PTPN13: variants seen among roughly 807,000 people sequenced by gnomAD.
The protein encoded by PTPN13 is protein tyrosine phosphatase non-receptor type 13.
PTPN13 carries 191 observed loss-of-function variants against 284.0 expected under a neutral mutation model. That is an observed-to-expected ratio of 0.67 (90% confidence interval 0.60 to 0.76). The LOEUF is 0.76. Ranked by LOEUF, PTPN13 falls within the 30% of genes least tolerant of loss-of-function variation. The pLI, the probability that PTPN13 is intolerant of heterozygous loss-of-function variation, is 0.00. For synonymous variants in PTPN13, 986 were observed against 1,022.3 expected, an observed-to-expected ratio of 0.96 and a Z score of 0.68; for missense variants, 2,797 against 2,939.9, an observed-to-expected ratio of 0.95 and a Z score of 1.12.
intron 47 of PTPN13, among the ~76,000 whole-genome samples, chr4:86,812,709 T>G (rs1300323918): frequency 1.3e-5 from 2 of 151,880 alleles, no homozygotes; most frequent in African/African-American, 4.8e-5. Flanking sequence ...TCACAGCCAA[T>G]GTGGCGGGCA....
At chr4:86,706,395 T>TA (rs892674007) in intron 7 of PTPN13, among the ~76,000 whole-genome samples, 2 of 152,132 alleles carry the variant, frequency 1.3e-5, no homozygotes, top group African/African-American at 4.8e-5. Flanking sequence ...AGTCTCTCCT[T>TA]AAAAAAATTA....
At chr4:86,767,452 G>A (rs1280558812) in intron 27 of PTPN13, among the ~76,000 whole-genome samples, 1 of 151,746 alleles carries the variant, frequency 6.6e-6, no homozygotes, top group Admixed American at 6.6e-5. Flanking sequence ...CACCATGTTG[G>A]CCAGGCTGGT....
At chr4:86,739,648 C>G (rs572438730) in intron 15 of PTPN13, among the ~76,000 whole-genome samples, 2 of 152,318 alleles carry the variant, frequency 1.3e-5, no homozygotes, top group South Asian at 4.1e-4. Context: ...CATGTCCTCA[C>G]ATTTCAAAAC....
At chr4:86,636,505 C>T (rs1008769298) in intron 2 of PTPN13, among the ~76,000 whole-genome samples, 1 of 151,932 alleles carries the variant, frequency 6.6e-6, no homozygotes, top group African/African-American at 2.4e-5. Flanking sequence ...CACAAAAAAG[C>T]CTGACAGAAA....
At chr4:86,730,619 C>CG (rs1734829354) in intron 10 of PTPN13, among the ~76,000 whole-genome samples, 1 of 149,782 alleles carries the variant, frequency 6.7e-6, no homozygotes, top group African/African-American at 2.4e-5. Flanking sequence ...GAGCCAGGAA[C>CG]GGGAGAAAAT....
intron 15 of PTPN13, among the ~76,000 whole-genome samples, chr4:86,739,825 C>A (rs1735955970): frequency 6.6e-6 from 1 of 152,166 alleles, no homozygotes; most frequent in Admixed American, 6.5e-5. Flanking sequence ...GGGTTACAGG[C>A]ATTGGGTAAA....
At chr4:86,724,148 G>T (rs989989556) in intron 10 of PTPN13, among the ~76,000 whole-genome samples, 1 of 152,088 alleles carries the variant, frequency 6.6e-6, no homozygotes, top group Admixed American at 6.6e-5. Flanking sequence ...TTGGATTGTA[G>T]TTTATAAAAC....
rs1729764311 is a variant in PTPN13 at position 86,689,205 on chromosome 4, C to T, written c.546+15C>T. On this transcript the variant is annotated intron_variant, in intron 5 of 47. Transcript: ENST00000411767. ...ATCTTTCTGGGGTAAGCTACAGTTA[C>T]AATAGTAAATATAGTCATATTTTAA... 3.1e-6 allele frequency: 5 copies of T among 1,598,352 alleles called. No homozygotes were observed. In the South Asian group the frequency reaches 3.3e-5, roughly 11 times the overall value.
At chr4:86,802,937 G>A (rs999383859) in intron 42 of PTPN13, among the ~76,000 whole-genome samples, 4 of 151,910 alleles carry the variant, frequency 2.6e-5, no homozygotes, top group African/African-American at 9.7e-5. Flanking sequence ...ACCCAGGCGT[G>A]GTGGTGCTTA....
At position 86,790,045 on chromosome 4, in the gene PTPN13, T is replaced by A. The variant is rs1742442649; in HGVS notation, c.6345+4109T>A. Among the ~76,000 whole-genome samples, 4 of 152,262 alleles carry A rather than the reference T, an allele frequency of 2.6e-5. No individual in the cohort carries two copies. The South Asian group carries it at 8.3e-4, about 32-fold the overall frequency. On this transcript the variant is annotated intron_variant, in intron 40 of 47. Coordinates refer to ENST00000411767, the MANE Select transcript of PTPN13 (RefSeq NM_080683.3). ...ATAGCACTTAACTCTTATAAAAGGCTTTGTACTTTCTAAAATCATTATACA... is the reference window on the plus strand; with the variant it reads ...ATAGCACTTAACTCTTATAAAAGGCATTGTACTTTCTAAAATCATTATACA...
chr4:86,659,280 T>C (rs981528269), intron 2 of PTPN13, among the ~76,000 whole-genome samples: 1 of 152,198 alleles, frequency 6.6e-6, no homozygotes, highest in South Asian at 2.1e-4. Flanking sequence ...AATAATATGT[T>C]GTACACTTTA....
intron 2 of PTPN13, 121 bp from the exon 3 acceptor site, chr4:86,672,244 A>G: frequency 1.3e-6 from 1 of 757,878 alleles, no homozygotes; most frequent in South Asian, 2.4e-5. Context: ...TTAACTACTT[A>G]TTAACATCTA....
At chr4:86,805,408 G>A in intron 44 of PTPN13, 39 bp downstream of exon 44, 2 of 1,278,078 alleles carry the variant, frequency 1.6e-6, no homozygotes, top group Non-Finnish European at 2.2e-6. Flanking sequence ...TATGTGATCA[G>A]TATAATATTA....
intron 35 of PTPN13, among the ~76,000 whole-genome samples, chr4:86,779,433 A>AC (rs1491245399): frequency 6.6e-6 from 1 of 151,560 alleles, no homozygotes; most frequent in Non-Finnish European, 1.5e-5. Flanking sequence ...AAAAAAAAAA[A>AC]TGATGTATGT....
chr4:86,634,369 A>G (rs1722783278), intron 1 of PTPN13, among the ~76,000 whole-genome samples: 3 of 152,172 alleles, frequency 2.0e-5, no homozygotes, highest in Admixed American at 6.5e-5. Flanking sequence ...AAGGATTTTA[A>G]CTAGTTACAT....
At chr4:86,734,068 A>C (rs577426957) in intron 12 of PTPN13, among the ~76,000 whole-genome samples, 5 of 152,186 alleles carry the variant, frequency 3.3e-5, no homozygotes, top group African/African-American at 4.8e-5. Flanking sequence ...TGTTGTGACC[A>C]GGTGTTGAAT....
chr4:86,785,779 C>A, intron 39 of PTPN13, 69 bp from the exon 40 acceptor site: 1 of 926,972 alleles, frequency 1.1e-6, no homozygotes, highest in Non-Finnish European at 1.6e-6. Context: ...CTTTTGCAGG[C>A]AAATGAAAAC....
At chr4:86,622,077 G>A (rs1578270008) in intron 1 of PTPN13, among the ~76,000 whole-genome samples, 1 of 152,190 alleles carries the variant, frequency 6.6e-6, no homozygotes, top group Middle Eastern at 3.4e-3. Context: ...TTCTCCAAAA[G>A]GTCATTTGAG....
intron 1 of PTPN13, among the ~76,000 whole-genome samples, chr4:86,613,583 A>C (rs113976667): frequency 6.6e-6 from 1 of 150,752 alleles, no homozygotes; most frequent in African/African-American, 2.5e-5. Context: ...GCAGTGAGCC[A>C]AGATTGTGCC....
Sources: gnomAD v4.1 joint callset for allele counts (sites outside exome capture counted in the v4.1 genomes callset) on GRCh38, gnomAD v4.1.1 for gene constraint, MANE v1.5 for transcripts, NCBI Gene and HGNC (gene_info 2026-07-23, HGNC 2026-07-21) for gene names.